Variants in PDE7B observed in about 807,000 individuals in gnomAD.
PDE7B encodes the protein 3',5'-cyclic-AMP phosphodiesterase 7B.
Under a neutral mutation model 56.2 loss-of-function variants are expected in PDE7B, and 29 were observed. The ratio of observed to expected loss-of-function variants is 0.52; its 90% CI spans 0.38 to 0.70. PDE7B has a LOEUF of 0.70. PDE7B is among the 30% of genes least tolerant of loss of function. PDE7B has a pLI of 0.00. For synonymous variants in PDE7B, 197 were observed against 196.9 expected (o/e 1.00, Z 0.00); for missense variants, 490 against 565.0 (o/e 0.87, Z 1.35).
intron 2 of PDE7B, among the ~76,000 whole-genome samples, chr6:136,084,751 C>CTT (rs1323360466): frequency 6.6e-6 from 1 of 152,160 alleles, no homozygotes; most frequent in Non-Finnish European, 1.5e-5. Flanking sequence ...GGAATCTTAT[C>CTT]TTAGATCAAG....
intron 2 of PDE7B, among the ~76,000 whole-genome samples, chr6:136,013,300 C>G (rs918262888): frequency 6.6e-6 from 1 of 152,150 alleles, no homozygotes; most frequent in African/African-American, 2.4e-5. Flanking sequence ...TCCTTCTTTT[C>G]ACCAGTTCTT....
intron 2 of PDE7B, among the ~76,000 whole-genome samples, chr6:135,996,467 T>C (rs757215399): frequency 3.9e-5 from 6 of 152,196 alleles, no homozygotes; most frequent in Non-Finnish European, 7.3e-5. Context: ...CACTAAGAAG[T>C]AACATAATAC....
intron 3 of PDE7B, among the ~76,000 whole-genome samples, chr6:136,118,966 C>T (rs1245699906): frequency 6.6e-6 from 1 of 152,176 alleles, no homozygotes; most frequent in Non-Finnish European, 1.5e-5. Context: ...AAATGACAGA[C>T]TGCACATTTC....
intron 1 of PDE7B, among the ~76,000 whole-genome samples, chr6:135,926,314 C>G (rs535442856): frequency 1.3e-5 from 2 of 152,078 alleles, no homozygotes; most frequent in Non-Finnish European, 1.5e-5. Context: ...GTCTCAATCT[C>G]CTGACCTCGT....
intron 11 of PDE7B, 34 bp downstream of exon 11, chr6:136,181,357 C>T (rs755118916): frequency 3.9e-6 from 5 of 1,278,034 alleles, no homozygotes; most frequent in Non-Finnish European, 5.7e-6. Context: ...GATTTCATTG[C>T]CCTGTCTTCT....
intron 1 of PDE7B, among the ~76,000 whole-genome samples, chr6:135,906,822 T>G (rs529132746): frequency 0.01 from 1,530 of 145,784 alleles, 67 homozygotes; most frequent in African/African-American, 0.035. Flanking sequence ...TTTTTTTTTT[T>G]TTTTTTTTTT....
At chr6:136,190,946 G>C (rs1340832054) in intron 12 of PDE7B, among the ~76,000 whole-genome samples, 1 of 147,606 alleles carries the variant, frequency 6.8e-6, no homozygotes, top group African/African-American at 2.6e-5. Flanking sequence ...TTCGTGAGGT[G>C]TCCTTTTCTG....
intron 10 of PDE7B, among the ~76,000 whole-genome samples, chr6:136,179,746 C>G (rs2128451096): frequency 6.6e-6 from 1 of 152,252 alleles, no homozygotes; most frequent in East Asian, 1.9e-4. Context: ...TACCTTAAAC[C>G]TATTTAACCT....
intron 2 of PDE7B, among the ~76,000 whole-genome samples, 199 bp from the exon 3 acceptor site, chr6:136,108,532 C>G (rs1777690939): frequency 6.6e-6 from 1 of 152,036 alleles, no homozygotes; most frequent in East Asian, 1.9e-4. Context: ...TACAAGAGAC[C>G]TGTGTTCCTT....
intron 8 of PDE7B, among the ~76,000 whole-genome samples, chr6:136,164,749 T>C (rs191634434): frequency 1.3e-5 from 2 of 152,226 alleles, no homozygotes; most frequent in Admixed American, 6.5e-5. Flanking sequence ...CATATAAAAT[T>C]ATATTACATT....
intron 3 of PDE7B, among the ~76,000 whole-genome samples, chr6:136,120,503 G>A (rs992929446): frequency 1.3e-5 from 2 of 152,168 alleles, no homozygotes; most frequent in Non-Finnish European, 2.9e-5. Flanking sequence ...GATGGGAGGG[G>A]ATGACTGGCC....
At chr6:135,964,833 A>C (rs1328581786) in intron 2 of PDE7B, among the ~76,000 whole-genome samples, 1 of 152,172 alleles carries the variant, frequency 6.6e-6, no homozygotes, top group African/African-American at 2.4e-5. Context: ...CAGTATAAAA[A>C]ATTAAATTAG....
chr6:135,917,833 C>T (rs1327189120), intron 1 of PDE7B, among the ~76,000 whole-genome samples: 2 of 152,074 alleles, frequency 1.3e-5, no homozygotes, highest in East Asian at 3.9e-4. Flanking sequence ...GTCTGCAGGG[C>T]TAAAGTGGCC....
chr6:135,889,440 A>G (rs1247598983), intron 1 of PDE7B, among the ~76,000 whole-genome samples: 1 of 103,378 alleles, frequency 9.7e-6, no homozygotes, highest in South Asian at 3.1e-4. Context: ...GGTGCTACCA[A>G]TTTTTTTTTT....
rs3813340 is a variant in PDE7B, at chr6:136,044,688, C to G, written c.83-64043C>G. On this transcript the variant is annotated intron_variant, in intron 2 of 12. Coordinates refer to ENST00000308191, the MANE Select transcript of PDE7B (RefSeq NM_018945.4). The stretch of plus-strand genomic sequence containing the variant: ...TAGAGCAAATGCATGCATTTATAGA[C>G]TTTTAAAATAATTACTCTGTTCATG... The G allele has an allele frequency of 1.2e-4, 18 of 152,284 alleles. No homozygotes were observed. The East Asian group carries it at 3.5e-3, about 29-fold the overall frequency. 9.4% of individuals were successfully genotyped at this position (152,284 alleles called of 1,614,324 possible).
chr6:136,078,534 C>T (rs1777156309), intron 2 of PDE7B, among the ~76,000 whole-genome samples: 1 of 150,270 alleles, frequency 6.7e-6, no homozygotes, highest in African/African-American at 2.5e-5. Context: ...AAAAATGATA[C>T]CAAAAAGGTA....
intron 2 of PDE7B, among the ~76,000 whole-genome samples, chr6:136,004,825 A>G (rs1016330848): frequency 6.6e-6 from 1 of 152,100 alleles, no homozygotes; most frequent in African/African-American, 2.4e-5. Flanking sequence ...GCTACCAATG[A>G]CTTTCTTCAC....
At chr6:135,955,505 G>A (rs911841302) in intron 2 of PDE7B, among the ~76,000 whole-genome samples, 24 of 152,190 alleles carry the variant, frequency 1.6e-4, no homozygotes, top group African/African-American at 5.8e-4. Context: ...AGAGTAAGAG[G>A]AATGAGATAA....
chr6:136,149,939 A>G (rs1778482850), intron 5 of PDE7B, among the ~76,000 whole-genome samples: 1 of 152,192 alleles, frequency 6.6e-6, no homozygotes, highest in South Asian at 2.1e-4. Flanking sequence ...TGGAAAGAAA[A>G]CTAGATCATG....
Sources: allele counts gnomAD v4.1 joint callset (sites outside exome capture counted in the v4.1 genomes callset), GRCh38; gene constraint gnomAD v4.1.1; transcripts MANE v1.5; gene names NCBI Gene and HGNC (gene_info 2026-07-23, HGNC 2026-07-21).